HMG20A: variants seen among roughly 807,000 people sequenced by gnomAD.
HMG20A encodes high mobility group protein 20A.
In HMG20A, 17 loss-of-function variants were observed where a neutral mutation model predicts 43.9. That is an observed-to-expected ratio of 0.39 (90% confidence interval 0.27 to 0.58). HMG20A has a LOEUF of 0.58. Ranked by LOEUF, HMG20A falls within the 20% of genes least tolerant of loss-of-function variation. The pLI, the probability that HMG20A is intolerant of heterozygous loss-of-function variation, is 0.59. For synonymous variants in HMG20A, 132 were observed against 147.5 expected (o/e 0.89, Z 0.76); for missense variants, 341 against 438.2 (o/e 0.78, Z 1.98).
intron 1 of HMG20A, among the ~76,000 whole-genome samples, chr15:77,436,453 CTT>C (rs753978668): frequency 3.4e-5 from 5 of 145,288 alleles, no homozygotes; most frequent in Admixed American, 6.9e-5. Flanking sequence ...GATCCATTTT[CTT>C]TTTTTTTTTT....
chr15:77,435,674 C>A (rs1311045691), intron 1 of HMG20A, among the ~76,000 whole-genome samples: 1 of 152,118 alleles, frequency 6.6e-6, no homozygotes, highest in Non-Finnish European at 1.5e-5. Flanking sequence ...CTCTACATTC[C>A]CTATACACAA....
chr15:77,494,629 G>A, the HMG20A span, among the ~76,000 whole-genome samples: 1 of 152,182 alleles, frequency 6.6e-6, no homozygotes, highest in Non-Finnish European at 1.5e-5. Context: ...AAACATAGTG[G>A]CTTATAATGA....
chr15:77,428,472 G>A (rs550613792), intron 1 of HMG20A, among the ~76,000 whole-genome samples: 21 of 152,260 alleles, frequency 1.4e-4, no homozygotes, highest in East Asian at 1.2e-3. Flanking sequence ...AAAGCATAGC[G>A]TGTAAGACAT....
At chr15:77,466,644 C>T (rs1461962077) in intron 3 of HMG20A, among the ~76,000 whole-genome samples, 1 of 152,170 alleles carries the variant, frequency 6.6e-6, no homozygotes, top group Non-Finnish European at 1.5e-5. Flanking sequence ...GTGCACGTGA[C>T]ACCATCTTAC....
At chr15:77,421,155 A>T in intron 1 of HMG20A, 151 bp downstream of exon 1, 10 of 165,366 alleles carry the variant, frequency 6.0e-5, no homozygotes, top group East Asian at 2.0e-4. Context: ...GGGGGAGGGG[A>T]GGAAGGCCGT....
the HMG20A span, among the ~76,000 whole-genome samples, chr15:77,495,342 G>A: frequency 4.2e-4 from 64 of 152,258 alleles, no homozygotes; most frequent in African/African-American, 1.4e-3. Flanking sequence ...GAGGTCAGGC[G>A]TTCGAGACCA....
At chr15:77,486,853 G>A (rs1446709600), downstream of HMG20A, among the ~76,000 whole-genome samples, 2 of 152,220 alleles carry the variant, frequency 1.3e-5, no homozygotes, top group African/African-American at 4.8e-5. Context: ...TCTGTTACAT[G>A]ATTGCCAGTA....
chr15:77,450,935 T>C (rs1462868772), intron 1 of HMG20A, among the ~76,000 whole-genome samples: 2 of 152,184 alleles, frequency 1.3e-5, no homozygotes, highest in East Asian at 3.9e-4. Context: ...AATTTCCTCT[T>C]GGGTCATCAA....
the HMG20A span, among the ~76,000 whole-genome samples, chr15:77,504,552 T>C: frequency 1.3e-5 from 2 of 151,854 alleles, no homozygotes; most frequent in Admixed American, 6.6e-5. Context: ...GGGGCTGGAG[T>C]TTCCGTTGGG....
At chr15:77,481,590 C>T (rs1314057321) in intron 9 of HMG20A, among the ~76,000 whole-genome samples, 1 of 152,140 alleles carries the variant, frequency 6.6e-6, no homozygotes, top group Non-Finnish European at 1.5e-5. Flanking sequence ...AAGCTTTTTT[C>T]ATCTCAAGAG....
intron 6 of HMG20A, among the ~76,000 whole-genome samples, chr15:77,473,000 C>A (rs1263191253): frequency 1.3e-5 from 2 of 152,108 alleles, no homozygotes; most frequent in Non-Finnish European, 2.9e-5. Flanking sequence ...CAAAGTTGAC[C>A]TGAAATAACT....
At chr15:77,493,052 A>G in the HMG20A span, among the ~76,000 whole-genome samples, 2 of 152,284 alleles carry the variant, frequency 1.3e-5, no homozygotes, top group South Asian at 4.1e-4. Context: ...TACTTGGTTC[A>G]ACTAATATGC....
At chr15:77,491,549 G>A in the HMG20A span, among the ~76,000 whole-genome samples, 1 of 152,106 alleles carries the variant, frequency 6.6e-6, no homozygotes, top group African/African-American at 2.4e-5. Flanking sequence ...TGGGTGTAAA[G>A]TTGAGGAAGT....
chr15:77,497,308 G>C, the HMG20A span, among the ~76,000 whole-genome samples: 2 of 152,222 alleles, frequency 1.3e-5, no homozygotes, highest in Non-Finnish European at 2.9e-5. Flanking sequence ...CTGTGAACCT[G>C]GCCAGCAGGC....
At chr15:77,434,563 AAATACTTC>A (rs1027806117) in intron 1 of HMG20A, among the ~76,000 whole-genome samples, 3 of 152,138 alleles carry the variant, frequency 2.0e-5, no homozygotes, top group African/African-American at 4.8e-5. Context: ...GAAAAGGACA[AAATACTTC>A]AATAGGCACT....
the HMG20A span, among the ~76,000 whole-genome samples, chr15:77,518,216 T>C: frequency 6.6e-6 from 1 of 152,032 alleles, no homozygotes; most frequent in African/African-American, 2.4e-5. Flanking sequence ...GTTCAAATAG[T>C]GGAAGGCGGT....
At chr15:77,489,413 A>G (rs2072961583), downstream of HMG20A, among the ~76,000 whole-genome samples, 1 of 152,254 alleles carries the variant, frequency 6.6e-6, no homozygotes, top group Non-Finnish European at 1.5e-5. Context: ...CTATAGCCGT[A>G]CTGTCTTAGA....
intron 1 of HMG20A, among the ~76,000 whole-genome samples, chr15:77,446,601 A>T (rs1322926358): frequency 2.0e-5 from 3 of 152,072 alleles, no homozygotes; most frequent in Non-Finnish European, 4.4e-5. Flanking sequence ...AGGTCAGGAG[A>T]TCGAGACCAT....
intron 9 of HMG20A, among the ~76,000 whole-genome samples, chr15:77,479,885 A>G (rs940938318): frequency 1.3e-5 from 2 of 152,244 alleles, no homozygotes; most frequent in African/African-American, 4.8e-5. Flanking sequence ...GTGAGCCTAC[A>G]TAAGTAGGAA....
Sources: gnomAD v4.1 joint callset for allele counts (sites outside exome capture counted in the v4.1 genomes callset) on GRCh38, gnomAD v4.1.1 for gene constraint, MANE v1.5 for transcripts, NCBI Gene and HGNC (gene_info 2026-07-23, HGNC 2026-07-21) for gene names.